Variants in PALM2AKAP2 observed in about 807,000 individuals in gnomAD.
PALM2AKAP2 encodes PALM2-AKAP2 fusion protein.
In PALM2AKAP2, 37 loss-of-function variants were observed where a neutral mutation model predicts 71.5. That is an observed-to-expected ratio of 0.52 (90% CI 0.40 to 0.68). The LOEUF (loss-of-function observed/expected upper bound fraction) is 0.68, where lower values mean the gene tolerates loss of function less well. Among genes scored for constraint, PALM2AKAP2 ranks in the 30% least tolerant of loss-of-function variants. The probability of loss-of-function intolerance (pLI) is 0.00; values close to 1 mark genes in which losing one functional copy is unlikely to be tolerated. For synonymous variants in PALM2AKAP2, 468 were observed against 478.8 expected (o/e 0.98, Z 0.29); for missense variants, 1,224 against 1,191.8 (o/e 1.03, Z -0.40).
At chr9:110,109,966 G>A (rs1357758962) in intron 1 of PALM2AKAP2, among the ~76,000 whole-genome samples, 2 of 152,122 alleles carry the variant, frequency 1.3e-5, no homozygotes, top group African/African-American at 4.8e-5. Flanking sequence ...GGAGATATTG[G>A]TCAATGGATA....
intron 6 of PALM2AKAP2, among the ~76,000 whole-genome samples, chr9:109,951,623 AC>A (rs1831644083): frequency 6.6e-6 from 1 of 152,130 alleles, no homozygotes; most frequent in African/African-American, 2.4e-5. Context: ...CTTCAGAATC[AC>A]CCGGGGGTAC....
chr9:110,137,285 T>C (rs1352601771), exon 2 of PALM2AKAP2: 1 of 1,614,204 alleles, frequency 6.2e-7, no homozygotes, highest in Non-Finnish European at 8.5e-7. Context: ...ACCCAGGCTG[T>C]TCTCCATCAA....
At chr9:109,943,196 T>G (rs1831417901) in intron 6 of PALM2AKAP2, 1 of 1,614,080 alleles carries the variant, frequency 6.2e-7, no homozygotes, top group Non-Finnish European at 8.5e-7. Context: ...GATGAAACCA[T>G]CAAGGCTGAA....
chr9:109,950,170 G>T (rs751227011), intron 6 of PALM2AKAP2, among the ~76,000 whole-genome samples: 10 of 152,174 alleles, frequency 6.6e-5, no homozygotes, highest in Middle Eastern at 3.4e-3. Context: ...GCACACACCT[G>T]TAGTCCCAGC....
chr9:109,849,812 G>A (rs965651757), intron 1 of PALM2AKAP2, among the ~76,000 whole-genome samples: 8 of 152,090 alleles, frequency 5.3e-5, no homozygotes, highest in Non-Finnish European at 8.8e-5. Flanking sequence ...AGAGAGGAGA[G>A]AGAGAGAGAA....
chr9:110,138,681 T>TACAGGGAC, intron 2 of PALM2AKAP2, 142 bp downstream of exon 8: 1 of 1,427,286 alleles, frequency 7.0e-7, no homozygotes, highest in Non-Finnish European at 9.1e-7. Flanking sequence ...AATTCCAGCA[T>TACAGGGAC]ACAGGGACAT....
At chr9:110,058,239 T>C (rs1280880075) in intron 1 of PALM2AKAP2, among the ~76,000 whole-genome samples, 2 of 152,096 alleles carry the variant, frequency 1.3e-5, no homozygotes, top group African/African-American at 4.8e-5. Flanking sequence ...GCTATGCAAA[T>C]GGGAATATTT....
chr9:110,113,235 GT>G (rs1366004537), intron 1 of PALM2AKAP2, among the ~76,000 whole-genome samples: 1 of 128,062 alleles, frequency 7.8e-6, no homozygotes, highest in East Asian at 2.6e-4. Flanking sequence ...TTTTGTTTTT[GT>G]TTTTTTCTTT....
At chr9:109,907,838 G>A (rs997147621) in intron 3 of PALM2AKAP2, among the ~76,000 whole-genome samples, 9 of 152,212 alleles carry the variant, frequency 5.9e-5, no homozygotes, top group Non-Finnish European at 1.3e-4. Context: ...TCTTGAGGAA[G>A]AGCAGTTTGG....
At position 109,691,877 on chromosome 9, in the gene PALM2AKAP2, CACACAT is replaced by C. The variant is rs1427173924; in HGVS notation, c.5+51013_5+51018del. ...ATATATATATATATATACACACACA[CACACAT>C]ATATATATATATATATATACACACA... is the stretch of plus-strand genomic sequence containing the variant. On this transcript the variant is annotated intron_variant, in intron 1 of 6. Coordinates refer to the PALM2AKAP2 transcript ENST00000374531. 7.5e-4 allele frequency among the ~76,000 whole-genome samples: 37 copies of C among 49,454 alleles called. 3 individuals are homozygous for C. In the East Asian group the frequency reaches 0.011, roughly 14 times the overall value. 32.4% of individuals were successfully genotyped at this position (49,454 alleles called of 152,430 possible). A position where few individuals can be genotyped will look rare whatever the true frequency, so the allele number is the denominator to read the frequency against.
At chr9:109,922,544 G>T (rs1412285931) in intron 3 of PALM2AKAP2, among the ~76,000 whole-genome samples, 1 of 148,764 alleles carries the variant, frequency 6.7e-6, no homozygotes, top group Non-Finnish European at 1.5e-5. Flanking sequence ...AGAGGGGAAA[G>T]AGACCAAAAG....
intron 1 of PALM2AKAP2, among the ~76,000 whole-genome samples, chr9:110,126,721 A>G (rs1006114670): frequency 3.9e-5 from 6 of 152,232 alleles, no homozygotes; most frequent in Non-Finnish European, 7.3e-5. Flanking sequence ...AAAAGGCAAC[A>G]GCAGCTTCCT....
At chr9:110,131,376 T>C (rs761485414) in intron 1 of PALM2AKAP2, among the ~76,000 whole-genome samples, 14 of 152,238 alleles carry the variant, frequency 9.2e-5, no homozygotes, top group African/African-American at 2.9e-4. Context: ...TGTTTTTGCA[T>C]TGGGGCATAG....
At chr9:109,745,487 A>AGTGTGTGTGTGT (rs199950779) in intron 1 of PALM2AKAP2, among the ~76,000 whole-genome samples, 113 of 146,976 alleles carry the variant, frequency 7.7e-4, no homozygotes, top group Admixed American at 1.2e-3. Context: ...AGTGGCTGTC[A>AGTGTGTGTGTGT]GTGTGTGTGT....
intron 6 of PALM2AKAP2, among the ~76,000 whole-genome samples, chr9:110,005,475 G>A (rs1046519121): frequency 6.6e-6 from 1 of 152,210 alleles, no homozygotes; most frequent in African/African-American, 2.4e-5. Context: ...CGGGGGTCAG[G>A]GACCCACTTG....
exon 2 of PALM2AKAP2, chr9:110,137,455 G>A: frequency 6.2e-7 from 1 of 1,614,114 alleles, no homozygotes; most frequent in South Asian, 1.1e-5. Context: ...CAGGAAGCCA[G>A]GGCAACACAG....
intron 1 of PALM2AKAP2, among the ~76,000 whole-genome samples, chr9:109,742,510 C>T (rs1828730971): frequency 6.6e-6 from 1 of 152,060 alleles, no homozygotes; most frequent in Non-Finnish European, 1.5e-5. Context: ...TGCTTTTATC[C>T]TACTTTGATC....
At chr9:109,933,161 G>A (rs145214729) in intron 6 of PALM2AKAP2, among the ~76,000 whole-genome samples, 2 of 152,338 alleles carry the variant, frequency 1.3e-5, no homozygotes, top group East Asian at 3.9e-4. Flanking sequence ...TCAATCCAGA[G>A]CCAGTTCCAC....
intron 1 of PALM2AKAP2, chr9:109,765,468 GATCATGATCATCATCATCATCATCATC>G (rs1829135643): frequency 7.1e-6 from 1 of 141,598 alleles, no homozygotes; most frequent in Admixed American, 7.2e-5. Flanking sequence ...TCATGATCAT[GATCATGATCATCATCATCATCATCATC>G]ATCATCATCA....
Sources: allele counts gnomAD v4.1 joint callset (sites outside exome capture counted in the v4.1 genomes callset), GRCh38; gene constraint gnomAD v4.1.1; transcripts MANE v1.5; gene names NCBI Gene and HGNC (gene_info 2026-07-23, HGNC 2026-07-21).